SHROOM4: variants seen among roughly 807,000 people sequenced by gnomAD.
SHROOM4 encodes protein Shroom4.
A neutral mutation model predicts 80.3 loss-of-function variants in SHROOM4; 17 were observed. The ratio of observed to expected loss-of-function variants is 0.21; its 90% CI spans 0.14 to 0.32. The LOEUF is 0.32. Among genes scored for constraint, SHROOM4 ranks in the 10% least tolerant of loss-of-function variants. SHROOM4 has a pLI of 1.00. For missense variants in SHROOM4, 993 were observed against 1,140.3 expected, an observed-to-expected ratio of 0.87 and a Z score of 1.86; for synonymous variants, 400 against 437.5, an observed-to-expected ratio of 0.91 and a Z score of 1.07.
chrX:50,612,298 A>C (rs1250906768), intron 5 of SHROOM4, among the ~76,000 whole-genome samples: 2 of 111,731 alleles, frequency 1.8e-5, no homozygotes, highest in African/African-American at 6.5e-5. Context: ...ACAAATTTGA[A>C]AACTTAAAGT....
chrX:50,713,823 G>C (rs1332103975), intron 1 of SHROOM4, among the ~76,000 whole-genome samples: 1 of 111,436 alleles, frequency 9.0e-6, no homozygotes, highest in Non-Finnish European at 1.9e-5. Flanking sequence ...AATTTAGCAT[G>C]GTCCCATTTG....
intron 1 of SHROOM4, 68 bp downstream of exon 1, chrX:50,813,834 G>A (rs1557273712): frequency 2.3e-6 from 2 of 866,781 alleles, no homozygotes; most frequent in Non-Finnish European, 3.4e-6. Context: ...CCCGTCCAGC[G>A]GCAGCCTTCG....
At chrX:50,652,518 G>A (rs1428701781) in intron 2 of SHROOM4, among the ~76,000 whole-genome samples, 2 of 111,561 alleles carry the variant, frequency 1.8e-5, no homozygotes, top group African/African-American at 6.5e-5. Context: ...CCATTCTGTA[G>A]GTTGCCTGTT....
rs782507561 is a variant in SHROOM4, at chrX:50,635,700, C to T, written c.405-32G>A. 71 of 1,176,434 alleles carry T rather than the reference C, an allele frequency of 6.0e-5. No homozygotes were observed. The South Asian group carries it at 9.1e-4, about 15-fold the overall frequency. On this transcript the variant is annotated intron_variant, in intron 3 of 8. Transcript: ENST00000376020. ...GACACAGGGCATACTGGTTAGTTAGCGAAGTCATGGCCAGCCCTACTATAG... is the reference window on the plus strand; with the variant it reads ...GACACAGGGCATACTGGTTAGTTAGTGAAGTCATGGCCAGCCCTACTATAG...
chrX:50,662,804 A>T (rs1932555623), intron 2 of SHROOM4, among the ~76,000 whole-genome samples: 1 of 111,468 alleles, frequency 9.0e-6, no homozygotes, highest in Non-Finnish European at 1.9e-5. Context: ...TTAGAAAAGG[A>T]GAAGAAACTA....
Position 50,724,430 on chromosome X carries a change from T to C in SHROOM4, c.118-28493A>G, listed in dbSNP as rs188163151. Among the ~76,000 whole-genome samples the C allele has an allele frequency of 4.8e-3, 535 of 112,357 alleles. 4 individuals are homozygous for C. The highest frequency in any genetic ancestry group is 9.2e-3 in the Middle Eastern group (2 of 217). On this transcript the variant is annotated intron_variant, in intron 1 of 8. Transcript: ENST00000376020. ...TTGTGGTAATTTCCTATAACAGCAG[T>C]AGAAAACTAATATAAATTGTCCTTT...
At chrX:50,631,104 C>A (rs1475106788) in intron 4 of SHROOM4, among the ~76,000 whole-genome samples, 1 of 111,225 alleles carries the variant, frequency 9.0e-6, no homozygotes. Context: ...TATAATAAAA[C>A]TATAGACTAA....
chrX:50,726,989 C>G (rs972605222), intron 1 of SHROOM4, among the ~76,000 whole-genome samples: 2 of 113,102 alleles, frequency 1.8e-5, no homozygotes. Flanking sequence ...ATGAAAGCAG[C>G]CATGGGGGCT....
chrX:50,709,403 T>C (rs782371280), intron 1 of SHROOM4, among the ~76,000 whole-genome samples: 3 of 112,017 alleles, frequency 2.7e-5, no homozygotes, highest in Non-Finnish European at 3.8e-5. Context: ...GGATAGAATA[T>C]ATGAAATCAG....
chrX:50,712,303 TTCAAACTCCCC>T (rs1427755705), intron 1 of SHROOM4, among the ~76,000 whole-genome samples: 2 of 111,894 alleles, frequency 1.8e-5, no homozygotes, highest in African/African-American at 6.5e-5. Flanking sequence ...AGTTTTGGTT[TTCAAACTCCCC>T]TTTGCAAACA....
At chrX:50,689,204 G>A (rs782713474) in intron 2 of SHROOM4, among the ~76,000 whole-genome samples, 4 of 111,441 alleles carry the variant, frequency 3.6e-5, no homozygotes, top group East Asian at 2.8e-4. Context: ...TACGTACTAT[G>A]TATCAGTTAA....
downstream of SHROOM4, among the ~76,000 whole-genome samples, chrX:50,586,348 C>T (rs1234059216): frequency 9.0e-6 from 1 of 111,399 alleles, no homozygotes; most frequent in Non-Finnish European, 1.9e-5. Context: ...CAGATTTTTT[C>T]CTTTGCAAAA....
intron 1 of SHROOM4, among the ~76,000 whole-genome samples, chrX:50,802,235 A>C (rs782096086): frequency 8.9e-6 from 1 of 112,263 alleles, no homozygotes; most frequent in Admixed American, 9.4e-5. Context: ...ATTGTCTGGC[A>C]ATTAACTCGT....
At chrX:50,598,128 C>T (rs1474179292) in intron 8 of SHROOM4, 138 bp downstream of exon 8, 31 of 856,856 alleles carry the variant, frequency 3.6e-5, no homozygotes, top group Non-Finnish European at 5.1e-5. Context: ...CATGAGCCAC[C>T]GTGCCCATCC....
chrX:50,780,410 T>A (rs1450351337), intron 1 of SHROOM4, among the ~76,000 whole-genome samples: 1 of 111,546 alleles, frequency 9.0e-6, no homozygotes, highest in Non-Finnish European at 1.9e-5. Flanking sequence ...AAGGAAATCA[T>A]GAAAAGTGCT....
At chrX:50,730,619 AC>A (rs1410873797) in intron 1 of SHROOM4, among the ~76,000 whole-genome samples, 1 of 108,710 alleles carries the variant, frequency 9.2e-6, no homozygotes, top group Non-Finnish European at 1.9e-5. Flanking sequence ...CTACAAAAAT[AC>A]AAAAATTAGC....
intron 2 of SHROOM4, among the ~76,000 whole-genome samples, chrX:50,649,189 C>G (rs1354316734): frequency 1.8e-5 from 2 of 112,014 alleles, no homozygotes; most frequent in African/African-American, 6.5e-5. Flanking sequence ...TAGGCAAGAA[C>G]CAGCTTTAGG....
chrX:50,651,803 A>G lies in SHROOM4; in HGVS notation c.270-13495T>C, dbSNP rs781783050. On this transcript the variant is annotated intron_variant, in intron 2 of 8. Transcript: ENST00000376020. ...AGTGTCCATGTGTTCTCATTGTTCA[A>G]CTTTCACTTATGAGTGAGAACATGT... is the stretch of plus-strand genomic sequence containing the variant. 2.8e-5 allele frequency among the ~76,000 whole-genome samples: 3 copies of G among 108,618 alleles called. No individual in the cohort carries two copies. The East Asian group carries it at 8.7e-4, about 32-fold the overall frequency. The allele number at this position is 108,618 out of a possible 115,157, so 94.3% of individuals were successfully genotyped here.
chrX:50,808,360 T>C (rs1174142439), intron 1 of SHROOM4, among the ~76,000 whole-genome samples: 3 of 111,953 alleles, frequency 2.7e-5, no homozygotes, highest in Non-Finnish European at 5.6e-5. Context: ...CTGTGACTAC[T>C]GTAGAACAAG....
Sources: gnomAD v4.1 joint callset for allele counts (sites outside exome capture counted in the v4.1 genomes callset) on GRCh38, gnomAD v4.1.1 for gene constraint, MANE v1.5 for transcripts, NCBI Gene and HGNC (gene_info 2026-07-23, HGNC 2026-07-21) for gene names.